The following UGT2A1 variants were observed in gnomAD, a reference collection of about 807,000 sequenced individuals.
UGT2A1 encodes the protein UDP-glucuronosyltransferase 2A1.
In UGT2A1, 61 loss-of-function variants were observed where a neutral mutation model predicts 45.4. That is an observed-to-expected ratio of 1.34 (90% CI 1.09 to 1.66). The LOEUF is 1.66. Ranked by LOEUF, UGT2A1 falls within the 40% of genes most tolerant of loss-of-function variation. The pLI, the probability that UGT2A1 is intolerant of heterozygous loss-of-function variation, is 0.00. For missense variants in UGT2A1, 649 were observed against 574.3 expected (o/e 1.13, Z -1.33); for synonymous variants, 229 against 196.2 (o/e 1.17, Z -1.40).
At chr4:69,612,884 T>C (rs1272048476) in intron 3 of UGT2A1, among the ~76,000 whole-genome samples, 3 of 131,094 alleles carry the variant, frequency 2.3e-5, no homozygotes, top group Non-Finnish European at 4.8e-5. Context: ...ATGTGGGGCA[T>C]AATTAAATAA....
chr4:69,589,740 G>A, intron 6 of UGT2A1, 89 bp from the exon 7 acceptor site: 2 of 1,498,656 alleles, frequency 1.3e-6, no homozygotes, highest in Non-Finnish European at 1.8e-6. Context: ...TGCTCTACAA[G>A]TTTAAGGCCA....
At chr4:69,601,560 C>T (rs1037421430) in intron 3 of UGT2A1, among the ~76,000 whole-genome samples, 1 of 152,158 alleles carries the variant, frequency 6.6e-6, no homozygotes, top group Admixed American at 6.6e-5. Context: ...TCTGCATGAC[C>T]TCAGCTATCA....
chr4:69,596,616 G>A (rs1374294596), intron 4 of UGT2A1, among the ~76,000 whole-genome samples: 1 of 152,004 alleles, frequency 6.6e-6, no homozygotes, highest in Non-Finnish European at 1.5e-5. Flanking sequence ...TCACCTCCCC[G>A]GTTCAAGTGA....
At chr4:69,607,607 G>A (rs1470105310) in intron 3 of UGT2A1, among the ~76,000 whole-genome samples, 1 of 152,126 alleles carries the variant, frequency 6.6e-6, no homozygotes, top group East Asian at 1.9e-4. Context: ...CACAGGAAAA[G>A]AAACTACCAT....
At chr4:69,596,440 T>C in intron 4 of UGT2A1, 2 of 1,422,126 alleles carry the variant, frequency 1.4e-6, no homozygotes, top group Non-Finnish European at 1.9e-6. Flanking sequence ...AAAATAAGTT[T>C]ACTTACACAT....
At chr4:69,603,107 T>G (rs887104900) in intron 3 of UGT2A1, among the ~76,000 whole-genome samples, 2 of 136,388 alleles carry the variant, frequency 1.5e-5, no homozygotes, top group African/African-American at 5.9e-5. Flanking sequence ...TAAATCTTAT[T>G]AAAATTTCAA....
At chr4:69,597,407 T>A (rs1718991948) in intron 4 of UGT2A1, among the ~76,000 whole-genome samples, 1 of 152,142 alleles carries the variant, frequency 6.6e-6, no homozygotes, top group South Asian at 2.1e-4. Context: ...CCTTAGGTAA[T>A]TACTTATAGT....
chr4:69,621,009 G>C (rs1250928182), intron 3 of UGT2A1, among the ~76,000 whole-genome samples: 2 of 151,962 alleles, frequency 1.3e-5, no homozygotes, highest in African/African-American at 4.8e-5. Flanking sequence ...ACTCAAGATG[G>C]ATTAAAAACA....
At chr4:69,636,849 A>T (rs979539723) in intron 2 of UGT2A1, among the ~76,000 whole-genome samples, 8 of 152,154 alleles carry the variant, frequency 5.3e-5, no homozygotes, top group African/African-American at 1.9e-4. Context: ...TTTTAACCCT[A>T]TTTTAAAGAA....
At position 69,650,845 on chromosome 4, in the gene UGT2A1, T is replaced by C. The variant is rs1164317729; in HGVS notation, c.-55+2343A>G. On this transcript the variant is annotated intron_variant, in intron 1 of 6. Transcript: ENST00000286604. ...ATCTGTAGAGATTACTTCCAGCTTTTTGGGGGGATTAACGGTAGGGTGGAG... is the reference window on the plus strand; with the variant it reads ...ATCTGTAGAGATTACTTCCAGCTTTCTGGGGGGATTAACGGTAGGGTGGAG... Among the ~76,000 whole-genome samples, 5 of 152,080 alleles carry C rather than the reference T, an allele frequency of 3.3e-5. No individual in the cohort carries two copies. The East Asian group carries it at 9.6e-4, about 29-fold the overall frequency.
At chr4:69,643,967 A>C (rs1358794189) in intron 2 of UGT2A1, among the ~76,000 whole-genome samples, 1 of 151,630 alleles carries the variant, frequency 6.6e-6, no homozygotes, top group Non-Finnish European at 1.5e-5. Context: ...TCATGTCAAT[A>C]CTTTACTTCT....
At chr4:69,638,680 G>A (rs1047283324) in intron 2 of UGT2A1, among the ~76,000 whole-genome samples, 1 of 152,016 alleles carries the variant, frequency 6.6e-6, no homozygotes, top group Non-Finnish European at 1.5e-5. Context: ...TGGACACAAA[G>A]TTGTTTGCAT....
At chr4:69,609,249 C>T (rs1719882644) in intron 3 of UGT2A1, among the ~76,000 whole-genome samples, 1 of 151,394 alleles carries the variant, frequency 6.6e-6, no homozygotes, top group African/African-American at 2.4e-5. Flanking sequence ...ACCTTATGAG[C>T]CCAAGAAATC....
intron 3 of UGT2A1, among the ~76,000 whole-genome samples, chr4:69,611,514 A>C (rs1446676681): frequency 6.6e-6 from 1 of 152,128 alleles, no homozygotes; most frequent in African/African-American, 2.4e-5. Context: ...AATACTTTAA[A>C]TGAAGAGTAA....
chr4:69,632,680 G>T (rs878972126), intron 3 of UGT2A1, among the ~76,000 whole-genome samples: 1 of 151,984 alleles, frequency 6.6e-6, no homozygotes, highest in Admixed American at 6.6e-5. Context: ...ACAAAGTCAA[G>T]AGTTTGAGAC....
At chr4:69,598,854 C>A (rs17147492) in intron 4 of UGT2A1, among the ~76,000 whole-genome samples, 1,759 of 152,104 alleles carry the variant, frequency 0.012, 26 homozygotes, top group African/African-American at 0.04. Context: ...TGGAATTCAC[C>A]CAACAGTTTT....
chr4:69,652,282 C>CTTTTTTTTT (rs10649712), intron 1 of UGT2A1, among the ~76,000 whole-genome samples: 1 of 120,004 alleles, frequency 8.3e-6, no homozygotes, highest in Non-Finnish European at 1.7e-5. Context: ...ACTTTATGTC[C>CTTTTTTTTT]TTTTTTTTTT....
chr4:69,601,852 G>A (rs1719317547), intron 3 of UGT2A1, among the ~76,000 whole-genome samples: 1 of 136,492 alleles, frequency 7.3e-6, no homozygotes, highest in South Asian at 2.4e-4. Context: ...GTCTAGAGGA[G>A]CAGCAGCACT....
intron 1 of UGT2A1, among the ~76,000 whole-genome samples, chr4:69,651,854 C>A (rs1245716226): frequency 6.6e-6 from 1 of 152,152 alleles, no homozygotes; most frequent in Non-Finnish European, 1.5e-5. Flanking sequence ...ACAGACTGTG[C>A]ATGCTCATTT....
Sources: allele counts gnomAD v4.1 joint callset (sites outside exome capture counted in the v4.1 genomes callset), GRCh38; gene constraint gnomAD v4.1.1; transcripts MANE v1.5; gene names NCBI Gene and HGNC (gene_info 2026-07-23, HGNC 2026-07-21).